Variants in ATG2B observed in about 807,000 individuals in gnomAD.
ATG2B encodes autophagy related 2B, also known as autophagy-related protein 2 homolog B.
In ATG2B, 121 loss-of-function variants were observed where a neutral mutation model predicts 241.3. The ratio of observed to expected loss-of-function variants is 0.50; its 90% CI spans 0.43 to 0.58. ATG2B has a LOEUF of 0.58. ATG2B is among the 20% of genes least tolerant of loss of function. ATG2B has a pLI of 0.00. For synonymous variants in ATG2B, 858 were observed against 876.6 expected, an observed-to-expected ratio of 0.98 and a Z score of 0.37; for missense variants, 2,306 against 2,491.6, an observed-to-expected ratio of 0.93 and a Z score of 1.59.
In ATG2B at chr14:96,305,815, C is replaced by T. The variant is rs1171769903; in HGVS notation, c.4507G>A (p.Glu1503Lys). ...TTTATAACTGGTTCTTCTTCCTTCT[C>T]CTAAAATAAACAAACAGGTAACACA... Reference protein sequence around the residue: ...ILFAPKAAMQEKEEEPVIKIM... With the variant: ...ILFAPKAAMQKKEEEPVIKIM... The change falls in exon 31 of 42, where the codon GAG becomes AAG. Residue 1503 changes from glutamate to lysine, a missense_variant and splice_region_variant. Transcript: ENST00000359933. 40 of 1,612,532 alleles carry T rather than the reference C, an allele frequency of 2.5e-5. No homozygotes were observed. The highest frequency in any genetic ancestry group is 3.3e-5 in the Non-Finnish European group (39 of 1,178,796).
intron 15 of ATG2B, 72 bp downstream of exon 15, chr14:96,325,577 T>C (rs1309515415): frequency 8.6e-6 from 12 of 1,400,838 alleles, no homozygotes; most frequent in South Asian, 1.4e-5. Flanking sequence ...TCAGATACTT[T>C]TGTGATGTTA....
intron 5 of ATG2B, 80 bp from the exon 6 acceptor site, chr14:96,341,781 A>T (rs1888043683): frequency 9.1e-7 from 1 of 1,094,416 alleles, no homozygotes; most frequent in African/African-American, 1.6e-5. Context: ...ATGTCAACTT[A>T]AGAAGAATAA....
chr14:96,333,327 G>A (rs535305721), intron 8 of ATG2B, among the ~76,000 whole-genome samples: 1 of 152,242 alleles, frequency 6.6e-6, no homozygotes, highest in South Asian at 2.1e-4. Context: ...TAGTAGTTCA[G>A]TAGTTTCTTA....
intron 36 of ATG2B, among the ~76,000 whole-genome samples, chr14:96,293,702 T>A (rs1189324722): frequency 1.3e-5 from 2 of 152,228 alleles, no homozygotes; most frequent in Non-Finnish European, 2.9e-5. Flanking sequence ...ATGGCACTGA[T>A]TAGGAGCCTT....
chr14:96,293,895 A>G (rs1167430315), intron 36 of ATG2B, among the ~76,000 whole-genome samples: 1 of 152,182 alleles, frequency 6.6e-6, no homozygotes, highest in Non-Finnish European at 1.5e-5. Flanking sequence ...GCCCATGTTT[A>G]CAAAAACCAA....
intron 34 of ATG2B, 61 bp from the exon 35 acceptor site, chr14:96,295,621 T>C (rs1886617748): frequency 9.0e-7 from 1 of 1,110,376 alleles, no homozygotes; most frequent in South Asian, 1.4e-5. Flanking sequence ...TCTAAAACTA[T>C]GAAACAAAGT....
intron 34 of ATG2B, among the ~76,000 whole-genome samples, chr14:96,296,320 TG>T (rs1886639361): frequency 6.6e-6 from 1 of 152,196 alleles, no homozygotes; most frequent in Non-Finnish European, 1.5e-5. Context: ...AAACAAAAAC[TG>T]CATGGCTCTG....
In ATG2B at chr14:96,290,913, A is replaced by G; in HGVS notation, c.5602T>C (p.Phe1868Leu). ...AGCCACTCAGTGATTGCATATGAGAATAATTTGTCAACGCCTAGTAAACTA... is the reference window on the plus strand; with the variant it reads ...AGCCACTCAGTGATTGCATATGAGAGTAATTTGTCAACGCCTAGTAAACTA... ...RHGLLGVDKL[F>L]SYAITEWLND... The change falls in exon 39 of 42, where the codon TTC (phenylalanine) becomes CTC (leucine). Residue 1868 changes from phenylalanine to leucine, a missense_variant. By Grantham distance (22) the Phe-to-Leu change is conservative. Coordinates refer to ENST00000359933, the MANE Select transcript of ATG2B (RefSeq NM_018036.7). The surrounding 1 kb of genome is among the most constrained non-coding windows in gnomAD (Gnocchi z 4.4). 1 of 1,612,016 alleles carries G rather than the reference A, an allele frequency of 6.2e-7. No individual in the cohort carries two copies. Among genetic ancestry groups the G allele is most frequent in the South Asian group, 1.1e-5 (1 of 90,364 alleles).
intron 1 of ATG2B, among the ~76,000 whole-genome samples, chr14:96,350,994 T>G (rs1888303203): frequency 1.3e-5 from 2 of 152,214 alleles, no homozygotes; most frequent in Non-Finnish European, 2.9e-5. Flanking sequence ...ATGTACTGTC[T>G]AAGGTATAAA....
intron 4 of ATG2B, 65 bp downstream of exon 4, chr14:96,344,589 C>G (rs1258032133): frequency 5.9e-6 from 5 of 845,584 alleles, no homozygotes; most frequent in Non-Finnish European, 7.4e-6. Context: ...TCTCCAAAAC[C>G]TCCCTGAAAA....
rs1444102651 is a variant in ATG2B at position 96,303,107 on chromosome 14, T to C, written c.4991A>G (p.Tyr1664Cys). 1.2e-6 allele frequency: 2 copies of C among 1,611,886 alleles called. No homozygotes were observed. The highest frequency in any genetic ancestry group is 2.7e-5 in the African/African-American group (2 of 74,926). The change falls in exon 33 of 42, where the codon TAC (tyrosine) becomes TGC (cysteine). Residue 1664 changes from tyrosine (Y) to cysteine (C), a missense_variant. Coordinates refer to ENST00000359933, the MANE Select transcript of ATG2B (RefSeq NM_018036.7). The part of the protein sequence containing the change: ...LATSQMNKFL[Y>C]LYCSKEMPRK... ...AGGCATTTCTTTACTGCAATACAGG[T>C]ATAAAAATTTATTCATTTGTGATGT...
chr14:96,346,470 T>G (rs979222854), intron 2 of ATG2B, among the ~76,000 whole-genome samples: 1 of 152,160 alleles, frequency 6.6e-6, no homozygotes, highest in Admixed American at 6.5e-5. Flanking sequence ...CTAAAGACGA[T>G]TTCCATGCAT....
chr14:96,333,894 A>G (rs1310837033), intron 7 of ATG2B, 21 bp from the exon 8 acceptor site: 1 of 1,595,314 alleles, frequency 6.3e-7, no homozygotes, highest in East Asian at 2.2e-5. Flanking sequence ...ACAAAAGGAA[A>G]CCAAAACAGT....
chr14:96,326,075 T>C (rs550939240), intron 14 of ATG2B, among the ~76,000 whole-genome samples, 153 bp from the exon 15 acceptor site: 131 of 152,346 alleles, frequency 8.6e-4, no homozygotes, highest in Non-Finnish European at 1.4e-3. Context: ...CATATTAATT[T>C]AGTGTAAAAA....
intron 41 of ATG2B, 32 bp from the exon 42 acceptor site, chr14:96,286,017 G>A (rs767144046): frequency 1.2e-5 from 19 of 1,563,178 alleles, no homozygotes; most frequent in East Asian, 9.1e-5. Context: ...GAGAGAGGAG[G>A]GCAGTGAACA....
At chr14:96,355,856 G>C (rs1204998024) in intron 1 of ATG2B, among the ~76,000 whole-genome samples, 1 of 151,990 alleles carries the variant, frequency 6.6e-6, no homozygotes, top group Non-Finnish European at 1.5e-5. Context: ...AATTCAAATC[G>C]AGATAAGACA....
chr14:96,320,114 G>C (rs1199192003), intron 18 of ATG2B, among the ~76,000 whole-genome samples: 1 of 152,044 alleles, frequency 6.6e-6, no homozygotes, highest in African/African-American at 2.4e-5. Context: ...CATACTCCCT[G>C]ACTTAAGCAG....
At chr14:96,344,926 G>C (rs1888132723) in intron 3 of ATG2B, among the ~76,000 whole-genome samples, 170 bp from the exon 4 acceptor site, 1 of 151,852 alleles carries the variant, frequency 6.6e-6, no homozygotes, top group Non-Finnish European at 1.5e-5. Context: ...TAAATATTTT[G>C]TCTTACTGAG....
In ATG2B at chr14:96,331,467, T is replaced by G. The variant is rs532785289; in HGVS notation, c.1639A>C (p.Ile547Leu). 42 of 1,613,930 alleles carry G rather than the reference T, an allele frequency of 2.6e-5. No homozygotes were observed. Among genetic ancestry groups the G allele is most frequent in the Non-Finnish European group, 3.5e-5 (41 of 1,179,948 alleles). The stretch of plus-strand genomic sequence containing the variant: ...AATCTTGCTGGATCAATCTTTTCTA[T>G]ACAAGTAAAGAAAGCTACTGCCATA... ...TPMAVAFFTC[I>L]EKIDPARFST... is the part of the protein sequence containing the mutation. The change falls in exon 11 of 42, where the codon ATA becomes CTA. Residue 547 changes from isoleucine (I) to leucine (L), a missense_variant. Physicochemically the swap from Ile to Leu is conservative, Grantham distance 5. Coordinates refer to ENST00000359933, the MANE Select transcript of ATG2B (RefSeq NM_018036.7).
Sources: gnomAD v4.1 joint callset for allele counts (sites outside exome capture counted in the v4.1 genomes callset) on GRCh38, gnomAD v4.1.1 for gene constraint, Gnocchi (gnomAD v3.1) non-coding constraint, MANE v1.5 for transcripts, NCBI Gene and HGNC (gene_info 2026-07-23, HGNC 2026-07-21) for gene names.